Variants in CSE1L observed in about 807,000 individuals in gnomAD.
The protein encoded by CSE1L is chromosome segregation 1 like, also known as exportin-2.
CSE1L carries 24 observed loss-of-function variants against 120.4 expected under a neutral mutation model. The ratio of observed to expected loss-of-function variants is 0.20; its 90% CI spans 0.14 to 0.28. CSE1L has a LOEUF of 0.28. Among genes scored for constraint, CSE1L ranks in the 10% least tolerant of loss-of-function variants. The pLI, the probability that CSE1L is intolerant of heterozygous loss-of-function variation, is 1.00. For synonymous variants in CSE1L, 402 were observed against 398.3 expected (o/e 1.01, Z -0.11); for missense variants, 830 against 1,145.2 (o/e 0.72, Z 3.97).
intron 14 of CSE1L, among the ~76,000 whole-genome samples, chr20:49,083,220 C>T (rs565785263): frequency 6.6e-6 from 1 of 151,350 alleles, no homozygotes; most frequent in Non-Finnish European, 1.5e-5. Context: ...GAGGTTTCAC[C>T]ATGTTAGCCA....
chr20:49,085,211 G>A (rs2092045773), intron 15 of CSE1L, 72 bp from the exon 16 acceptor site: 3 of 1,074,700 alleles, frequency 2.8e-6, no homozygotes, highest in Middle Eastern at 2.0e-4. Context: ...GTGACATAGT[G>A]GTTGCCAAGG....
At chr20:49,072,040 A>G (rs1241121426) in intron 8 of CSE1L, among the ~76,000 whole-genome samples, 1 of 151,790 alleles carries the variant, frequency 6.6e-6, no homozygotes, top group Non-Finnish European at 1.5e-5. Context: ...GGTTGGGATT[A>G]CCGGCGTGAG....
chr20:49,080,635 C>T (rs767459258), intron 14 of CSE1L, among the ~76,000 whole-genome samples: 1 of 152,112 alleles, frequency 6.6e-6, no homozygotes, highest in African/African-American at 2.4e-5. Flanking sequence ...CACCACCACG[C>T]CTGGCTAATT....
chr20:49,058,475 C>T lies in CSE1L; in HGVS notation c.12C>T (p.Ser4=), dbSNP rs760623788. 62 of 1,612,368 alleles carry T rather than the reference C, an allele frequency of 3.8e-5. No homozygotes were observed. Among genetic ancestry groups the T allele is most frequent in the Middle Eastern group, 1.7e-4 (1 of 6,050 alleles). MEL[S]DANLQTLTEY... The stretch of plus-strand genomic sequence containing the variant: ...TAGATCCTATAGCAATGGAACTCAG[C>T]GATGCAAATCTGCAAACACTAACAG... Residue 4 remains serine (S), a synonymous_variant, in exon 2 of 25, where the codon AGC becomes AGT. Transcript: ENST00000262982.
At position 49,063,264 on chromosome 20, in the gene CSE1L, C is replaced by T; in HGVS notation, c.148C>T (p.Leu50=). The change falls in exon 3 of 25, where the codon CTG becomes TTG. Residue 50 remains leucine, a synonymous_variant. Transcript: ENST00000262982. ...TTATCCACTGTTGCTTTTGACATTA[C>T]TGGAGAAGTCCCAGGATAATGTTAT... ...QNYPLLLLTL[L]EKSQDNVIKV... is the part of the protein sequence containing the mutation. The T allele has an allele frequency of 6.3e-7, 1 of 1,591,658 alleles. No homozygotes were observed. The highest frequency in any genetic ancestry group is 8.6e-7 in the Non-Finnish European group (1 of 1,167,528).
At chr20:49,070,175 A>G (rs192410607) in intron 7 of CSE1L, 30 bp from the exon 8 acceptor site, 1 of 1,068,190 alleles carries the variant, frequency 9.4e-7, no homozygotes, top group African/African-American at 1.6e-5. Context: ...TATTTTAATC[A>G]AAAGTTTCAA....
intron 1 of CSE1L, among the ~76,000 whole-genome samples, chr20:49,055,296 G>T (rs2091797746): frequency 6.6e-6 from 1 of 152,028 alleles, no homozygotes; most frequent in African/African-American, 2.4e-5. Flanking sequence ...TTTATTTTTG[G>T]ATTTCATCAC....
At chr20:49,093,742 C>T (rs937153483) in intron 22 of CSE1L, among the ~76,000 whole-genome samples, 3 of 151,636 alleles carry the variant, frequency 2.0e-5, no homozygotes, top group Admixed American at 2.0e-4. Context: ...CACAATGAAA[C>T]CCCATCTCTA....
chr20:49,085,757 A>G (rs1428417599), intron 16 of CSE1L, among the ~76,000 whole-genome samples: 3 of 151,348 alleles, frequency 2.0e-5, no homozygotes, highest in Admixed American at 1.3e-4. Flanking sequence ...TTTTTAGTAG[A>G]GACAGGGTTT....
At chr20:49,087,078 T>C (rs772783030) in intron 16 of CSE1L, among the ~76,000 whole-genome samples, 4 of 152,220 alleles carry the variant, frequency 2.6e-5, no homozygotes, top group Non-Finnish European at 5.9e-5. Context: ...AGAAATGTTA[T>C]TTGTGGAAAG....
rs571450466 is a variant in CSE1L, at chr20:49,075,556, G to A, written c.1335+36G>A. 101 of 1,519,576 alleles carry A rather than the reference G, an allele frequency of 6.6e-5. 1 individual carries two copies. In the South Asian group the frequency reaches 1.1e-3, roughly 16 times the overall value. The allele number at this position is 1,519,576 out of a possible 1,614,324, so 94.1% of individuals were successfully genotyped here. A position where few individuals can be genotyped will look rare whatever the true frequency, so the allele number is the denominator to read the frequency against. ...TTAATGTGGTTTTGTTTCTAAAACA[G>A]ACATCAGTGACACCCACACAAGTCA... On this transcript the variant is annotated intron_variant, in intron 12 of 24. Coordinates refer to ENST00000262982, the MANE Select transcript of CSE1L (RefSeq NM_001316.4).
At position 49,066,217 on chromosome 20, in the gene CSE1L, G is replaced by A; in HGVS notation, c.254G>A (p.Cys85Tyr). 5 of 1,614,166 alleles carry A rather than the reference G, an allele frequency of 3.1e-6. No individual in the cohort carries two copies. Among genetic ancestry groups the A allele is most frequent in the Non-Finnish European group, 4.2e-6 (5 of 1,180,026 alleles). Residue 85 changes from cysteine (C) to tyrosine (Y), a missense_variant, in exon 4 of 25, where the codon TGT becomes TAT. Cys to Tyr is a radical substitution (Grantham distance 194, BLOSUM62 -2). Coordinates refer to ENST00000262982, the MANE Select transcript of CSE1L (RefSeq NM_001316.4). ...RIVEDEPNKICEADRVAIKAN... is the reference protein window; with the variant it reads ...RIVEDEPNKIYEADRVAIKAN... ...GTTGAAGATGAACCAAACAAAATTT[G>A]TGAAGCCGATCGAGTGGCCATTAAA...
intron 22 of CSE1L, 149 bp downstream of exon 22, chr20:49,092,276 G>A: frequency 3.7e-6 from 2 of 546,064 alleles, no homozygotes; most frequent in Non-Finnish European, 6.3e-6. Flanking sequence ...GGTATTGGGA[G>A]TAAAGAAAAA....
rs2092047317 is a variant in CSE1L, at chr20:49,085,394, G to GT, written c.1723+11dup. 1.2e-6 allele frequency: 2 copies of GT among 1,604,154 alleles called. No individual in the cohort carries two copies. The highest frequency in any genetic ancestry group is 1.7e-6 in the Non-Finnish European group (2 of 1,171,406). The stretch of plus-strand genomic sequence containing the variant: ...ATGAATATATTATGAAAGGTAGGCT[G>GT]TTTCCCTGGTGTGCAGACTACAGGT... On this transcript the variant is annotated intron_variant, in intron 16 of 24. Coordinates refer to ENST00000262982, the MANE Select transcript of CSE1L (RefSeq NM_001316.4).
chr20:49,049,211 ATTC>A (rs2091745256), intron 1 of CSE1L, among the ~76,000 whole-genome samples: 2 of 152,136 alleles, frequency 1.3e-5, no homozygotes, highest in South Asian at 4.2e-4. Flanking sequence ...ATAAAAATGA[ATTC>A]TTATCTTCTC....
At chr20:49,065,390 T>C (rs1182820594) in intron 3 of CSE1L, among the ~76,000 whole-genome samples, 1 of 136,498 alleles carries the variant, frequency 7.3e-6, no homozygotes, top group African/African-American at 2.7e-5. Context: ...TGGTGCGATC[T>C]TGGCTCATTG....
chr20:49,084,191 C>G (rs1265816092), intron 15 of CSE1L, 29 bp downstream of exon 15: 1 of 1,611,534 alleles, frequency 6.2e-7, no homozygotes, highest in Non-Finnish European at 8.5e-7. Context: ...AGTTTTTTAG[C>G]CTGGGGTAGG....
intron 17 of CSE1L, 76 bp from the exon 18 acceptor site, chr20:49,089,171 C>T (rs1600548049): frequency 3.4e-6 from 4 of 1,161,136 alleles, no homozygotes; most frequent in Non-Finnish European, 4.6e-6. Flanking sequence ...AATAAGATGG[C>T]CTCTATTTTA....
At position 49,070,117 on chromosome 20, in the gene CSE1L, A is replaced by T. The variant is rs372675993; in HGVS notation, c.676-88A>T. On this transcript the variant is annotated intron_variant, in intron 7 of 24. Coordinates refer to ENST00000262982, the MANE Select transcript of CSE1L (RefSeq NM_001316.4). ...CTCAGGCTGTGAAGCCTGTGTATAA[A>T]ATGTTTTGTCCACGTGGTAAGGGAA... 157 of 635,502 alleles carry T rather than the reference A, an allele frequency of 2.5e-4. 1 individual carries two copies. The East Asian group carries it at 3.6e-3, about 14-fold the overall frequency. The allele number at this position is 635,502 out of a possible 1,614,324, so 39.4% of individuals were successfully genotyped here.
Sources: gnomAD v4.1 joint callset for allele counts (sites outside exome capture counted in the v4.1 genomes callset) on GRCh38, gnomAD v4.1.1 for gene constraint, MANE v1.5 for transcripts, NCBI Gene and HGNC (gene_info 2026-07-23, HGNC 2026-07-21) for gene names.